Variants in PRLR observed in about 807,000 individuals in gnomAD.
PRLR encodes prolactin receptor.
PRLR carries 13 observed loss-of-function variants against 40.2 expected under a neutral mutation model. The ratio of observed to expected loss-of-function variants is 0.32; its 90% CI spans 0.21 to 0.51. The LOEUF is 0.51. Among genes scored for constraint, PRLR ranks in the 20% least tolerant of loss-of-function variants. The pLI, the probability that PRLR is intolerant of heterozygous loss-of-function variation, is 0.97. For missense variants in PRLR, 656 were observed against 747.3 expected, an observed-to-expected ratio of 0.88 and a Z score of 1.42; for synonymous variants, 269 against 278.7, an observed-to-expected ratio of 0.97 and a Z score of 0.35.
intron 1 of PRLR, among the ~76,000 whole-genome samples, chr5:35,122,027 C>T (rs191005449): frequency 4.5e-4 from 69 of 152,150 alleles, no homozygotes; most frequent in Non-Finnish European, 7.5e-4. Flanking sequence ...ACACAATTAA[C>T]AAATGAGAAA....
At chr5:35,048,781 A>C (rs1768371357) in exon 9 of PRLR, 1 of 206,910 alleles carries the variant, frequency 4.8e-6, no homozygotes, top group African/African-American at 2.3e-5. Context: ...TTAAGATCCA[A>C]CCAGGTTGCG....
At chr5:35,115,693 C>A (rs1772973666) in intron 2 of PRLR, among the ~76,000 whole-genome samples, 1 of 151,750 alleles carries the variant, frequency 6.6e-6, no homozygotes, top group Admixed American at 6.6e-5. Flanking sequence ...GCAAAAGAAT[C>A]TGGTATGCCA....
At chr5:35,080,543 C>T in intron 5 of PRLR, among the ~76,000 whole-genome samples, 1 of 152,172 alleles carries the variant, frequency 6.6e-6, no homozygotes, top group Non-Finnish European at 1.5e-5. Flanking sequence ...CAGGAAACAA[C>T]AGGTGCCGGA....
At position 35,058,418 on chromosome 5, in the gene PRLR, T is replaced by C. The variant is rs996756514; in HGVS notation, c.*6671A>G. 8 of 152,236 alleles carry C rather than the reference T, an allele frequency of 5.3e-5. No individual in the cohort carries two copies. The highest frequency in any genetic ancestry group is 2.1e-4 in the South Asian group (1 of 4,834). The allele number at this position is 152,236 out of a possible 1,614,324, so 9.4% of individuals were successfully genotyped here. A position where few individuals can be genotyped will look rare whatever the true frequency, so the allele number is the denominator to read the frequency against. ...TGAAGCACAAAATCCAGCCTCATTA[T>C]GCAAAGAACACTTGAGAAGTGTCAG... is the stretch of plus-strand genomic sequence containing the variant. On this transcript the variant is annotated 3_prime_UTR_variant, in exon 10 of 10. Coordinates refer to ENST00000618457, the MANE Select transcript of PRLR (RefSeq NM_000949.7).
intron 2 of PRLR, among the ~76,000 whole-genome samples, chr5:35,099,738 G>A (rs1334919284): frequency 6.6e-6 from 1 of 152,052 alleles, no homozygotes; most frequent in Non-Finnish European, 1.5e-5. Context: ...GAATGTTTGT[G>A]TCTTAGTTTT....
Position 35,065,504 on chromosome 5 carries a change from T to G in PRLR, c.1454A>C (p.Glu485Ala). ...CAGCCAGGGCGTATCCTGGTCAGTCTCAGAATGGAAGCTTTCTACCTCCCT... is the reference window on the plus strand; with the variant it reads ...CAGCCAGGGCGTATCCTGGTCAGTCGCAGAATGGAAGCTTTCTACCTCCCT... ...QQREVESFHS[E>A]TDQDTPWLLP... The change falls in exon 10 of 10, where the codon GAG becomes GCG. Residue 485 changes from glutamate (E) to alanine (A), a missense_variant. Physicochemically the swap from Glu to Ala is moderately radical, Grantham distance 107. Around this residue, in one of 3 missense-constraint regions of PRLR, gnomAD observed 469 missense variants for 491.5 expected, o/e 0.95. Transcript: ENST00000618457. 1.2e-6 allele frequency: 2 copies of G among 1,614,134 alleles called. No homozygotes were observed. The highest frequency in any genetic ancestry group is 1.7e-6 in the Non-Finnish European group (2 of 1,180,032).
chr5:35,228,232 CAA>C (rs55934270), intron 1 of PRLR, among the ~76,000 whole-genome samples: 38,754 of 86,388 alleles, frequency 0.45, 5,430 homozygotes, highest in Middle Eastern at 0.52. Flanking sequence ...AACAACCATG[CAA>C]AAAAAAAAAA....
At chr5:35,179,102 ACTC>A (rs1475860127) in intron 1 of PRLR, among the ~76,000 whole-genome samples, 3 of 151,850 alleles carry the variant, frequency 2.0e-5, no homozygotes, top group Non-Finnish European at 2.9e-5. Context: ...AATCCCAACT[ACTC>A]CTGATCTCAA....
intron 1 of PRLR, among the ~76,000 whole-genome samples, chr5:35,185,586 A>G (rs1191153140): frequency 6.6e-6 from 1 of 152,188 alleles, no homozygotes; most frequent in Admixed American, 6.5e-5. Flanking sequence ...ACTTCTAAAA[A>G]ACACAGGAGC....
intron 2 of PRLR, among the ~76,000 whole-genome samples, chr5:35,102,488 CTCCTCTCCACT>C (rs1451392674): frequency 1.8e-5 from 2 of 113,484 alleles, no homozygotes; most frequent in African/African-American, 5.1e-5. Flanking sequence ...CCCGTCCCGT[CTCCTCTCCACT>C]CCTCTCCTCT....
intron 1 of PRLR, among the ~76,000 whole-genome samples, chr5:35,185,282 ATTAT>A (rs1364410078): frequency 1.3e-5 from 2 of 152,202 alleles, no homozygotes; most frequent in Non-Finnish European, 2.9e-5. Flanking sequence ...AGAGCTTACC[ATTAT>A]TTAGAGTTAT....
chr5:35,113,290 C>A (rs913198135), intron 2 of PRLR, among the ~76,000 whole-genome samples: 3 of 151,302 alleles, frequency 2.0e-5, no homozygotes, highest in African/African-American at 7.3e-5. Flanking sequence ...TCCATCCATC[C>A]ATCCATCCAC....
At chr5:35,216,717 G>T (rs1171369257) in intron 1 of PRLR, among the ~76,000 whole-genome samples, 1 of 152,132 alleles carries the variant, frequency 6.6e-6, no homozygotes. Context: ...ACAATGATTT[G>T]GTTTGGCACT....
chr5:35,228,539 C>G (rs2111699965), intron 1 of PRLR, among the ~76,000 whole-genome samples: 1 of 152,356 alleles, frequency 6.6e-6, no homozygotes, highest in East Asian at 1.9e-4. Flanking sequence ...AAGCCTTGGC[C>G]TCCCTGCCAT....
intron 1 of PRLR, among the ~76,000 whole-genome samples, chr5:35,142,484 G>A (rs1198371180): frequency 1.3e-5 from 2 of 152,158 alleles, no homozygotes; most frequent in Non-Finnish European, 2.9e-5. Context: ...ATTTAATAAT[G>A]AGCACTTCTA....
intron 2 of PRLR, among the ~76,000 whole-genome samples, chr5:35,106,165 C>G (rs1772234358): frequency 6.6e-6 from 1 of 152,162 alleles, no homozygotes; most frequent in African/African-American, 2.4e-5. Flanking sequence ...CCTTTACAGA[C>G]AAGCAAGTGC....
At chr5:35,211,263 G>A (rs1420328178) in intron 1 of PRLR, among the ~76,000 whole-genome samples, 1 of 152,000 alleles carries the variant, frequency 6.6e-6, no homozygotes, top group African/African-American at 2.4e-5. Flanking sequence ...TCACACTTCT[G>A]ACTTTGTTTA....
chr5:35,079,095 A>C lies in PRLR; in HGVS notation c.373+5375T>G, dbSNP rs569762930. 3.0e-4 allele frequency among the ~76,000 whole-genome samples: 46 copies of C among 152,358 alleles called. 1 individual carries two copies. Among genetic ancestry groups the C allele is most frequent in the African/African-American group, 1.0e-3 (42 of 41,580 alleles). ...AGCTATTTATGACAAACCCACAGCCAATATCATACTGAATGGGCAAAAACA... is the reference window on the plus strand; with the variant it reads ...AGCTATTTATGACAAACCCACAGCCCATATCATACTGAATGGGCAAAAACA... On this transcript the variant is annotated intron_variant, in intron 5 of 9. Coordinates refer to ENST00000618457, the MANE Select transcript of PRLR (RefSeq NM_000949.7).
intron 1 of PRLR, among the ~76,000 whole-genome samples, chr5:35,128,479 T>C (rs1397016490): frequency 1.3e-5 from 2 of 151,946 alleles, no homozygotes; most frequent in Non-Finnish European, 1.5e-5. Flanking sequence ...TGTTACACTA[T>C]ATTGTTTTAC....
Sources: gnomAD v4.1 joint callset for allele counts (sites outside exome capture counted in the v4.1 genomes callset) on GRCh38, gnomAD v4.1.1 for gene constraint, gnomAD v4.1.1 regional missense constraint, MANE v1.5 for transcripts, NCBI Gene and HGNC (gene_info 2026-07-23, HGNC 2026-07-21) for gene names.